Variants in SLC71A2 observed in about 807,000 individuals in gnomAD.
The protein encoded by SLC71A2 is hippocampus abundant transcript-like 1.
At chr9:94,420,268 C>G in the SLC71A2 span, among the ~76,000 whole-genome samples, 1 of 152,266 alleles carries the variant, frequency 6.6e-6, no homozygotes, top group Non-Finnish European at 1.5e-5. Context: ...CCGTGTTTGC[C>G]CCATTAACTT....
At chr9:94,460,028 A>G in the SLC71A2 span, 1 of 152,588 alleles carries the variant, frequency 6.6e-6, no homozygotes, top group East Asian at 1.9e-4. Flanking sequence ...TCTGGACATA[A>G]TAATATTGAA....
the SLC71A2 span, among the ~76,000 whole-genome samples, chr9:94,401,408 A>G: frequency 6.6e-6 from 1 of 152,094 alleles, no homozygotes; most frequent in Non-Finnish European, 1.5e-5. Flanking sequence ...TCCTGACCTC[A>G]GGTGATCAAG....
chr9:94,447,362 TAG>T, the SLC71A2 span, among the ~76,000 whole-genome samples: 1 of 151,970 alleles, frequency 6.6e-6, no homozygotes, highest in Admixed American at 6.6e-5. Context: ...GTATTTTTAG[TAG>T]AGACAGGGTT....
chr9:94,441,549 T>G, the SLC71A2 span, among the ~76,000 whole-genome samples: 4 of 152,208 alleles, frequency 2.6e-5, no homozygotes, highest in African/African-American at 9.6e-5. Context: ...GGGATTACAA[T>G]TGAACATTTG....
the SLC71A2 span, among the ~76,000 whole-genome samples, chr9:94,439,862 A>G: frequency 6.6e-6 from 1 of 152,058 alleles, no homozygotes; most frequent in African/African-American, 2.4e-5. Context: ...TTTTCTAGGT[A>G]TATTAATGTC....
At chr9:94,453,317 T>C in the SLC71A2 span, among the ~76,000 whole-genome samples, 3 of 152,138 alleles carry the variant, frequency 2.0e-5, no homozygotes, top group African/African-American at 7.2e-5. Flanking sequence ...GCCTGGCTAA[T>C]TTTTGTATTT....
At chr9:94,460,425 CAATCT>C in the SLC71A2 span, 1 of 152,722 alleles carries the variant, frequency 6.5e-6, no homozygotes, top group South Asian at 2.1e-4. Context: ...ATCTTTATTT[CAATCT>C]GTTTAACTTT....
chr9:94,386,357 C>T, the SLC71A2 span, among the ~76,000 whole-genome samples: 1 of 150,954 alleles, frequency 6.6e-6, no homozygotes, highest in East Asian at 1.9e-4. Flanking sequence ...TAATTATTCT[C>T]CACTACTCAG....
chr9:94,415,852 G>A, the SLC71A2 span, among the ~76,000 whole-genome samples: 4 of 152,152 alleles, frequency 2.6e-5, no homozygotes, highest in Admixed American at 6.6e-5. Context: ...GACTCATAGG[G>A]TCCTGTCCTA....
chr9:94,430,326 G>A, the SLC71A2 span, among the ~76,000 whole-genome samples: 2 of 151,568 alleles, frequency 1.3e-5, no homozygotes, highest in African/African-American at 2.4e-5. Context: ...GGGTTCGAGT[G>A]ATTCTCCTGC....
chr9:94,392,395 G>A, the SLC71A2 span, among the ~76,000 whole-genome samples: 1 of 151,646 alleles, frequency 6.6e-6, no homozygotes, highest in Non-Finnish European at 1.5e-5. Flanking sequence ...TCCTTAGACT[G>A]CCTTTGAGGA....
the SLC71A2 span, chr9:94,440,839 AT>A: frequency 1.7e-4 from 70 of 423,168 alleles, no homozygotes; most frequent in South Asian, 3.3e-4. Flanking sequence ...CTTAACTTAA[AT>A]TTTTTTTGAT....
chr9:94,439,284 G>A, the SLC71A2 span, among the ~76,000 whole-genome samples: 1 of 150,420 alleles, frequency 6.6e-6, no homozygotes, highest in Admixed American at 6.6e-5. Context: ...TGGGATTACA[G>A]GCGTGAGCCA....
chr9:94,432,116 T>A, the SLC71A2 span, among the ~76,000 whole-genome samples: 5 of 151,362 alleles, frequency 3.3e-5, no homozygotes, highest in Admixed American at 3.3e-4. Context: ...GGCTGATATA[T>A]GAGACTACAA....
At chr9:94,459,440 C>T in the SLC71A2 span, 242 of 1,610,582 alleles carry the variant, frequency 1.5e-4, no homozygotes, top group East Asian at 2.4e-3. Context: ...ATTCTGCATA[C>T]GCCATCTCTG....
At chr9:94,413,431 TAA>T in the SLC71A2 span, among the ~76,000 whole-genome samples, 1 of 152,124 alleles carries the variant, frequency 6.6e-6, no homozygotes, top group South Asian at 2.1e-4. Flanking sequence ...TTCCAAAATT[TAA>T]AAAGTTAATT....
chr9:94,450,284 G>A, the SLC71A2 span, among the ~76,000 whole-genome samples: 11 of 152,034 alleles, frequency 7.2e-5, no homozygotes, highest in East Asian at 3.9e-4. Context: ...TACATTTTCC[G>A]GTTCCAGTTT....
the SLC71A2 span, chr9:94,459,557 G>T: frequency 3.0e-6 from 2 of 677,774 alleles, no homozygotes; most frequent in Non-Finnish European, 2.3e-6. Context: ...CCATCATTCT[G>T]CTCATCCTCC....
chr9:94,445,543 T>C, the SLC71A2 span, among the ~76,000 whole-genome samples: 31 of 152,326 alleles, frequency 2.0e-4, no homozygotes, highest in African/African-American at 7.2e-4. Flanking sequence ...ATAAATGCCT[T>C]TGGTTTGAAT....
Sources: gnomAD v4.1 joint callset for allele counts (sites outside exome capture counted in the v4.1 genomes callset) on GRCh38, gnomAD v4.1.1 for gene constraint, MANE v1.5 for transcripts, NCBI Gene and HGNC (gene_info 2026-07-23, HGNC 2026-07-21) for gene names.